CD8B2: variants seen among roughly 807,000 people sequenced by gnomAD.
CD8B2 encodes the protein CD8B family member 2.
A neutral mutation model predicts 23.7 loss-of-function variants in CD8B2; 11 were observed. The ratio of observed to expected loss-of-function variants is 0.46; its 90% confidence interval spans 0.29 to 0.77. The LOEUF is 0.77. CD8B2 is among the 30% of genes least tolerant of loss of function. The probability of loss-of-function intolerance (pLI) is 0.09; values close to 1 mark genes in which losing one functional copy is unlikely to be tolerated. For missense variants in CD8B2, 197 were observed against 270.5 expected (o/e 0.73, Z 1.91); for synonymous variants, 90 against 109.3 (o/e 0.82, Z 1.10).
At chr2:106,504,826 G>T (rs941474973) in intron 5 of CD8B2, among the ~76,000 whole-genome samples, 15 of 152,098 alleles carry the variant, frequency 9.9e-5, no homozygotes, top group Non-Finnish European at 2.1e-4. Context: ...TGAGATAAGG[G>T]GTTATCACCC....
intron 5 of CD8B2, among the ~76,000 whole-genome samples, chr2:106,539,796 A>G (rs1680144491): frequency 6.6e-6 from 1 of 152,194 alleles, no homozygotes; most frequent in Non-Finnish European, 1.5e-5. Flanking sequence ...AGAATCTGAC[A>G]CTTAAAAAAT....
chr2:106,525,386 C>A (rs540447336), intron 5 of CD8B2, among the ~76,000 whole-genome samples: 2 of 152,314 alleles, frequency 1.3e-5, no homozygotes, highest in African/African-American at 4.8e-5. Context: ...AGGGCATAGG[C>A]AGTACCGGCA....
At chr2:106,520,987 G>GA (rs1679816344) in intron 5 of CD8B2, among the ~76,000 whole-genome samples, 1 of 32,822 alleles carries the variant, frequency 3.0e-5, no homozygotes, top group South Asian at 1.6e-3. Flanking sequence ...CTCTCTCTAA[G>GA]AAAAAATTGC....
intron 5 of CD8B2, among the ~76,000 whole-genome samples, chr2:106,533,313 G>C (rs1415723713): frequency 6.6e-6 from 1 of 152,192 alleles, no homozygotes; most frequent in Non-Finnish European, 1.5e-5. Context: ...GGAACAGGAC[G>C]AAACTCAGAG....
intron 2 of CD8B2, among the ~76,000 whole-genome samples, chr2:106,493,778 T>C (rs527627056): frequency 4.7e-4 from 71 of 152,316 alleles, no homozygotes; most frequent in Non-Finnish European, 7.2e-4. Context: ...ATCAAGGTCT[T>C]TTGCTGCAGA....
intron 5 of CD8B2, among the ~76,000 whole-genome samples, chr2:106,539,479 A>G (rs1193102372): frequency 6.6e-6 from 1 of 152,184 alleles, no homozygotes; most frequent in Non-Finnish European, 1.5e-5. Context: ...GGGACACAAT[A>G]CCATGTGTGC....
intron 3 of CD8B2, among the ~76,000 whole-genome samples, 164 bp downstream of exon 3, chr2:106,496,426 C>T (rs925324447): frequency 1.3e-5 from 2 of 151,914 alleles, no homozygotes; most frequent in African/African-American, 4.8e-5. Context: ...GATAGCAACT[C>T]ACAGTCTCGT....
intron 5 of CD8B2, chr2:106,522,309 T>C (rs1679839096): frequency 6.6e-6 from 1 of 152,192 alleles, no homozygotes; most frequent in South Asian, 2.1e-4. Flanking sequence ...TTAAATAATA[T>C]CAGTGATATT....
rs1679603159 is a variant in CD8B2 at position 106,510,438 on chromosome 2, T to C, written c.*3498T>C. The C allele has an allele frequency of 6.6e-6, 1 of 152,214 alleles. No individual in the cohort carries two copies. 9.4% of individuals were successfully genotyped at this position (152,214 alleles called of 1,614,324 possible). A position where few individuals can be genotyped will look rare whatever the true frequency, so the allele number is the denominator to read the frequency against. On this transcript the variant is annotated 3_prime_UTR_variant, in exon 6 of 6. Coordinates refer to ENST00000643224, the MANE Select transcript of CD8B2 (RefSeq NM_001349727.2). ...TGTAAAATTGGTATTTGGAAGTTTC[T>C]TCAGCAAGCACATGGGATTACAGCT...
In CD8B2 at chr2:106,490,953, C is replaced by A; in HGVS notation, c.123C>A (p.Cys41Ter). 1.2e-6 allele frequency: 2 copies of A among 1,613,946 alleles called. No individual in the cohort carries two copies. The change falls in exon 2 of 6, where the codon TGC (cysteine) becomes TGA (stop). Residue 41 changes from cysteine (C) to a stop codon, truncating the protein, a stop_gained. Transcript: ENST00000643224. LOFTEE classifies it high-confidence loss of function. ...VQTNKMVMLS[C>*]EAKISLSNMC... ...CCAACAAGATGGTGATGCTGTCCTGCGAGGCTAAAATCTCCCTCAGTAACA... is the reference window on the plus strand; with the variant it reads ...CCAACAAGATGGTGATGCTGTCCTGAGAGGCTAAAATCTCCCTCAGTAACA...
chr2:106,498,037 GC>G lies in CD8B2; in HGVS notation c.493+1778del, dbSNP rs530909974. Among the ~76,000 whole-genome samples, 19 of 152,242 alleles carry G rather than the reference GC, an allele frequency of 1.2e-4. No homozygotes were observed. The South Asian group carries it at 2.9e-3, about 23-fold the overall frequency. On this transcript the variant is annotated intron_variant, in intron 3 of 5. Transcript: ENST00000643224. Reference sequence around the variant, plus strand: ...TAGCACTAAATTCTAGAAGCAATCTGCCCATTCATCTTCATGTAAGGACAGC... The same window carrying G: ...TAGCACTAAATTCTAGAAGCAATCTGCCATTCATCTTCATGTAAGGACAGC...
At chr2:106,532,344 T>C (rs1437206734) in intron 5 of CD8B2, among the ~76,000 whole-genome samples, 1 of 152,110 alleles carries the variant, frequency 6.6e-6, no homozygotes. Flanking sequence ...CATTTTTTTT[T>C]CTATTAAAGC....
chr2:106,515,989 A>G (rs1573342969), downstream of CD8B2, among the ~76,000 whole-genome samples: 1 of 146,950 alleles, frequency 6.8e-6, no homozygotes, highest in South Asian at 2.2e-4. Flanking sequence ...TGCTCAGCTA[A>G]TTTTTTTTTT....
chr2:106,523,644 C>T (rs1208891941), intron 5 of CD8B2, among the ~76,000 whole-genome samples: 1 of 152,178 alleles, frequency 6.6e-6, no homozygotes, highest in Non-Finnish European at 1.5e-5. Context: ...GGTCTAGGTC[C>T]TGTTGCTCAC....
intron 5 of CD8B2, among the ~76,000 whole-genome samples, chr2:106,519,040 C>A (rs1679777841): frequency 6.6e-6 from 1 of 151,994 alleles, no homozygotes; most frequent in Non-Finnish European, 1.5e-5. Context: ...TCCATCCATT[C>A]ATTCCTCCAT....
At chr2:106,506,636 C>T (rs2104559957) in intron 5 of CD8B2, among the ~76,000 whole-genome samples, 2 of 103,962 alleles carry the variant, frequency 1.9e-5, no homozygotes, top group East Asian at 1.4e-3. Context: ...TTTCTTCTGG[C>T]CCCTTGATAT....
chr2:106,493,336 A>G (rs1679230770), intron 2 of CD8B2, among the ~76,000 whole-genome samples: 1 of 152,158 alleles, frequency 6.6e-6, no homozygotes, highest in Non-Finnish European at 1.5e-5. Flanking sequence ...GGAGAGATTA[A>G]ACTGGGGGCT....
chr2:106,504,487 G>A (rs547754727), intron 5 of CD8B2, among the ~76,000 whole-genome samples, 162 bp downstream of exon 5: 8 of 152,208 alleles, frequency 5.3e-5, no homozygotes, highest in Non-Finnish European at 1.2e-4. Flanking sequence ...CTCGGGAGCT[G>A]AAGCAGGAGG....
At chr2:106,538,120 GTCA>G (rs2104576840) in intron 5 of CD8B2, 1 of 152,296 alleles carries the variant, frequency 6.6e-6, no homozygotes, top group Admixed American at 6.5e-5. Context: ...GGAAGCGTAA[GTCA>G]TCAGCTTGAC....
Sources: gnomAD v4.1 joint callset for allele counts (sites outside exome capture counted in the v4.1 genomes callset) on GRCh38, gnomAD v4.1.1 for gene constraint, MANE v1.5 for transcripts, NCBI Gene and HGNC (gene_info 2026-07-23, HGNC 2026-07-21) for gene names.